PCDH9: variants seen among roughly 807,000 people sequenced by gnomAD.
PCDH9 encodes the protein protocadherin 9.
PCDH9 carries 24 observed loss-of-function variants against 70.6 expected under a neutral mutation model. The observed-to-expected ratio is 0.34, with a 90% confidence interval of 0.25 to 0.48. PCDH9 has a LOEUF of 0.48. PCDH9 is among the 20% of genes least tolerant of loss of function. PCDH9 has a pLI of 0.99. For missense variants in PCDH9, 1,281 were observed against 1,503.6 expected, an observed-to-expected ratio of 0.85 and a Z score of 2.45; for synonymous variants, 562 against 558.5, an observed-to-expected ratio of 1.01 and a Z score of -0.09.
intron 4 of PCDH9, among the ~76,000 whole-genome samples, chr13:66,609,524 C>G (rs950730950): frequency 1.3e-5 from 2 of 151,878 alleles, no homozygotes; most frequent in African/African-American, 4.8e-5. Context: ...AAAACAGAGG[C>G]AGGATTTTAG....
intron 3 of PCDH9, among the ~76,000 whole-genome samples, chr13:66,723,194 C>A (rs1467394474): frequency 6.6e-6 from 1 of 151,744 alleles, no homozygotes; most frequent in African/African-American, 2.4e-5. Context: ...TCTTTATTTG[C>A]CCTATATTAT....
At chr13:66,698,758 T>G (rs995270940) in intron 3 of PCDH9, among the ~76,000 whole-genome samples, 1 of 151,986 alleles carries the variant, frequency 6.6e-6, no homozygotes, top group Non-Finnish European at 1.5e-5. Flanking sequence ...TTACATTAAT[T>G]TTTTGTAGAG....
At chr13:66,748,321 C>T (rs1035296445) in intron 3 of PCDH9, among the ~76,000 whole-genome samples, 1 of 152,034 alleles carries the variant, frequency 6.6e-6, no homozygotes, top group Admixed American at 6.5e-5. Context: ...TTCATGTGTA[C>T]CTTTGCTGTT....
intron 3 of PCDH9, among the ~76,000 whole-genome samples, chr13:66,754,176 G>A (rs1049560319): frequency 2.6e-5 from 4 of 151,976 alleles, no homozygotes; most frequent in African/African-American, 9.7e-5. Context: ...TGAACAATGA[G>A]AACACATAGG....
chr13:66,466,086 T>C (rs909190181), intron 4 of PCDH9, among the ~76,000 whole-genome samples: 3 of 151,980 alleles, frequency 2.0e-5, no homozygotes, highest in Non-Finnish European at 4.4e-5. Context: ...GATTCTTCAT[T>C]TCTCACAGAA....
intron 3 of PCDH9, among the ~76,000 whole-genome samples, chr13:66,708,216 A>AT (rs1437347968): frequency 6.7e-6 from 1 of 150,288 alleles, no homozygotes; most frequent in Admixed American, 6.6e-5. Context: ...CGCCCGGCTA[A>AT]TTTTTTGTAT....
intron 4 of PCDH9, among the ~76,000 whole-genome samples, chr13:66,435,586 T>G (rs1957853631): frequency 6.6e-6 from 1 of 152,186 alleles, no homozygotes; most frequent in Non-Finnish European, 1.5e-5. Flanking sequence ...TCATTTTCAT[T>G]CACATGCTAA....
chr13:66,814,170 A>C (rs1469779214), intron 3 of PCDH9, among the ~76,000 whole-genome samples: 1 of 152,156 alleles, frequency 6.6e-6, no homozygotes, highest in African/African-American at 2.4e-5. Context: ...TAGTTAATAA[A>C]AATTTTTAAA....
At chr13:66,663,789 G>A (rs1226231133) in intron 3 of PCDH9, among the ~76,000 whole-genome samples, 1 of 152,192 alleles carries the variant, frequency 6.6e-6, no homozygotes, top group Non-Finnish European at 1.5e-5. Flanking sequence ...AATTAGAGAT[G>A]TGTACATGCC....
At chr13:67,064,860 C>G (rs1419666215) in intron 2 of PCDH9, among the ~76,000 whole-genome samples, 1 of 151,612 alleles carries the variant, frequency 6.6e-6, no homozygotes, top group African/African-American at 2.4e-5. Flanking sequence ...ATTTTTGTAT[C>G]TGTGTATGTG....
chr13:66,740,640 A>T (rs2139199852), intron 3 of PCDH9, among the ~76,000 whole-genome samples: 1 of 149,194 alleles, frequency 6.7e-6, no homozygotes, highest in South Asian at 2.1e-4. Context: ...TAGACACAAT[A>T]AAAAATGATA....
intron 2 of PCDH9, among the ~76,000 whole-genome samples, chr13:67,035,239 T>C (rs1380068271): frequency 6.6e-6 from 1 of 152,148 alleles, no homozygotes. Flanking sequence ...GTAGAGGGCA[T>C]GTGTCTCTTG....
intron 2 of PCDH9, among the ~76,000 whole-genome samples, chr13:67,186,036 A>G (rs1169418559): frequency 2.6e-5 from 4 of 152,068 alleles, no homozygotes; most frequent in Admixed American, 1.3e-4. Flanking sequence ...CTGACCCTGC[A>G]AGCATCTTTA....
intron 2 of PCDH9, among the ~76,000 whole-genome samples, chr13:67,129,739 A>G (rs2087064811): frequency 6.6e-6 from 1 of 151,970 alleles, no homozygotes; most frequent in South Asian, 2.1e-4. Flanking sequence ...TTGTTTTTCT[A>G]TCTTTCCAGA....
chr13:66,319,726 C>T (rs1370580951), intron 4 of PCDH9, among the ~76,000 whole-genome samples: 1 of 151,946 alleles, frequency 6.6e-6, no homozygotes, highest in Non-Finnish European at 1.5e-5. Flanking sequence ...AGAATCTAGC[C>T]AGGACACCAG....
At chr13:67,133,335 T>C (rs1352999785) in intron 2 of PCDH9, among the ~76,000 whole-genome samples, 1 of 152,060 alleles carries the variant, frequency 6.6e-6, no homozygotes, top group Non-Finnish European at 1.5e-5. Context: ...ACAAAGAAGA[T>C]TTTAGCTTTA....
chr13:67,076,542 T>A (rs909892411), intron 2 of PCDH9, among the ~76,000 whole-genome samples: 1 of 152,000 alleles, frequency 6.6e-6, no homozygotes, highest in Non-Finnish European at 1.5e-5. Context: ...GAGGACTAAG[T>A]GGTGATATGG....
At chr13:66,959,405 T>C (rs977840289) in intron 2 of PCDH9, among the ~76,000 whole-genome samples, 2 of 152,132 alleles carry the variant, frequency 1.3e-5, no homozygotes, top group Non-Finnish European at 2.9e-5. Flanking sequence ...CTGAAAATAT[T>C]TGGCCAATTG....
chr13:66,705,834 T>G (rs1019534470), intron 3 of PCDH9, among the ~76,000 whole-genome samples: 4 of 152,190 alleles, frequency 2.6e-5, no homozygotes, highest in Non-Finnish European at 5.9e-5. Flanking sequence ...ACATAAGAAT[T>G]GCAGGAAACT....
Sources: allele counts gnomAD v4.1 joint callset (sites outside exome capture counted in the v4.1 genomes callset), GRCh38; gene constraint gnomAD v4.1.1; transcripts MANE v1.5; gene names NCBI Gene and HGNC (gene_info 2026-07-23, HGNC 2026-07-21).